The following PGS1 variants were observed in gnomAD, a reference collection of about 807,000 sequenced individuals.
PGS1 encodes CDP-diacylglycerol--glycerol-3-phosphate 3-phosphatidyltransferase, mitochondrial.
PGS1 carries 44 observed loss-of-function variants against 58.3 expected under a neutral mutation model. The ratio of observed to expected loss-of-function variants is 0.75; its 90% CI spans 0.59 to 0.97. PGS1 has a LOEUF of 0.97. PGS1 is among the 50% of genes least tolerant of loss of function. The pLI is 0.00. For synonymous variants in PGS1, 330 were observed against 311.0 expected, an observed-to-expected ratio of 1.06 and a Z score of -0.64; for missense variants, 684 against 731.1, an observed-to-expected ratio of 0.94 and a Z score of 0.74.
chr17:78,414,248 C>T (rs1461952916), intron 7 of PGS1, among the ~76,000 whole-genome samples: 1 of 152,232 alleles, frequency 6.6e-6, no homozygotes, highest in Non-Finnish European at 1.5e-5. Context: ...GGCAGCCAGC[C>T]TTCAAGGCAG....
At chr17:78,387,784 G>GAC (rs2082520980) in intron 1 of PGS1, among the ~76,000 whole-genome samples, 1 of 151,886 alleles carries the variant, frequency 6.6e-6, no homozygotes, top group Non-Finnish European at 1.5e-5. Context: ...TTTTTCTAGA[G>GAC]AGGGGGTTTC....
rs2083568176 is a variant in PGS1, at chr17:78,400,448, A to G, written c.702-229A>G. Among the ~76,000 whole-genome samples the G allele has an allele frequency of 6.6e-6, 1 of 151,628 alleles. No homozygotes were observed. Among genetic ancestry groups the G allele is most frequent in the Non-Finnish European group, 1.5e-5 (1 of 67,974 alleles). Reference sequence around the variant, plus strand: ...GTCTGCATCTCCTCTTCTCAGCTACACTGTCGGCTCCTTGAGAGGAGGAGG... The same window carrying G: ...GTCTGCATCTCCTCTTCTCAGCTACGCTGTCGGCTCCTTGAGAGGAGGAGG... On this transcript the variant is annotated intron_variant, in intron 5 of 9. Transcript: ENST00000262764. The surrounding 1 kb of genome is among the most constrained non-coding windows in gnomAD (Gnocchi z 4.4).
chr17:78,384,206 C>T (rs982096311), intron 1 of PGS1, among the ~76,000 whole-genome samples: 5 of 152,174 alleles, frequency 3.3e-5, no homozygotes, highest in African/African-American at 1.2e-4. Flanking sequence ...GCAGCCTGGG[C>T]CTCTCGTGCC....
At chr17:78,411,033 G>T (rs2084642087) in intron 7 of PGS1, among the ~76,000 whole-genome samples, 1 of 152,182 alleles carries the variant, frequency 6.6e-6, no homozygotes, top group Admixed American at 6.5e-5. Flanking sequence ...GCAAGAGAAG[G>T]CTCCAGGCTG....
chr17:78,390,959 GAGATGGA>G, intron 1 of PGS1, among the ~76,000 whole-genome samples: 1 of 150,848 alleles, frequency 6.6e-6, no homozygotes, highest in East Asian at 1.9e-4. Flanking sequence ...TTTCTTCTTT[GAGATGGA>G]GTCTTGCTCT....
At chr17:78,422,086 C>T (rs2085852114) in intron 9 of PGS1, among the ~76,000 whole-genome samples, 1 of 152,238 alleles carries the variant, frequency 6.6e-6, no homozygotes, top group African/African-American at 2.4e-5. Context: ...TTTCTTATTT[C>T]AGGATCTAAA....
intron 2 of PGS1, among the ~76,000 whole-genome samples, chr17:78,395,010 C>A (rs531413892): frequency 6.6e-6 from 1 of 152,092 alleles, no homozygotes; most frequent in Admixed American, 6.6e-5. Flanking sequence ...AGAGGCTTGC[C>A]TCAGCAGGCC....
Position 78,403,962 on chromosome 17 carries a change from C to T in PGS1, c.1275C>T (p.Ala425=), listed in dbSNP as rs186398339. Residue 425 remains alanine (A), a synonymous_variant, in exon 7 of 10, where the codon GCC becomes GCT. Coordinates refer to ENST00000262764, the MANE Select transcript of PGS1 (RefSeq NM_024419.5). ...VNGFFGAKGV[A]GAIPAAYVHI... ...GCTTCTTTGGGGCCAAGGGGGTGGC[C>T]GGCGCCATCCCAGCGGCCTATGTGC... The T allele has an allele frequency of 3.4e-5, 55 of 1,614,110 alleles. 1 individual carries two copies. The highest frequency in any genetic ancestry group is 3.3e-4 in the Middle Eastern group (2 of 6,060).
chr17:78,390,274 C>T (rs2082726026), intron 1 of PGS1, among the ~76,000 whole-genome samples: 1 of 151,978 alleles, frequency 6.6e-6, no homozygotes, highest in African/African-American at 2.4e-5. Context: ...CTAGGCCCTT[C>T]ATCTGCAAGC....
At chr17:78,387,005 ATGG>A (rs372496507) in intron 1 of PGS1, among the ~76,000 whole-genome samples, 14,881 of 150,720 alleles carry the variant, frequency 0.099, 717 homozygotes, top group Middle Eastern at 0.16. Flanking sequence ...GATGATGATG[ATGG>A]TGATGATGAT....
At chr17:78,385,320 G>A (rs977376797) in intron 1 of PGS1, among the ~76,000 whole-genome samples, 3 of 146,068 alleles carry the variant, frequency 2.1e-5, no homozygotes, top group Non-Finnish European at 3.0e-5. Context: ...ATGGAGTCTC[G>A]TACTTTCGCC....
intron 7 of PGS1, among the ~76,000 whole-genome samples, chr17:78,407,723 C>T (rs1481776953): frequency 6.6e-6 from 1 of 152,256 alleles, no homozygotes; most frequent in Admixed American, 6.5e-5. Context: ...CCTCAGACAG[C>T]ACTCTGCTGT....
In PGS1 at chr17:78,399,417, T is replaced by C; in HGVS notation, c.581T>C (p.Leu194Pro). The change falls in exon 5 of 10, where the codon CTC becomes CCC. Residue 194 changes from leucine (L) to proline (P), a missense_variant. By Grantham distance (98) the Leu-to-Pro change is moderately conservative. Coordinates refer to ENST00000262764, the MANE Select transcript of PGS1 (RefSeq NM_024419.5). Reference protein sequence around the residue: ...RRFPEQVRVSLFHTPHLRGLL... With the variant: ...RRFPEQVRVSPFHTPHLRGLL... Reference sequence around the variant, plus strand: ...TTCCCAGAGCAGGTCCGAGTCTCCCTCTTTCACACGCCGCACCTCCGTGGG... The same window carrying C: ...TTCCCAGAGCAGGTCCGAGTCTCCCCCTTTCACACGCCGCACCTCCGTGGG... 2 of 1,614,114 alleles carry C rather than the reference T, an allele frequency of 1.2e-6. No homozygotes were observed. Among genetic ancestry groups the C allele is most frequent in the Non-Finnish European group, 1.7e-6 (2 of 1,180,016 alleles).
intron 6 of PGS1, among the ~76,000 whole-genome samples, chr17:78,402,150 C>T (rs1054329498): frequency 1.3e-5 from 2 of 152,176 alleles, no homozygotes; most frequent in Admixed American, 1.3e-4. Context: ...GGCTAGACTC[C>T]TGCATGGGAT....
chr17:78,417,087 C>T (rs2085258452), intron 8 of PGS1, among the ~76,000 whole-genome samples: 1 of 152,214 alleles, frequency 6.6e-6, no homozygotes, highest in South Asian at 2.1e-4. Flanking sequence ...CTGAAAGCTT[C>T]CTGGTTTTGT....
intron 7 of PGS1, among the ~76,000 whole-genome samples, chr17:78,412,237 C>T (rs2084777479): frequency 6.6e-6 from 1 of 152,118 alleles, no homozygotes; most frequent in Non-Finnish European, 1.5e-5. Context: ...CCCCAGAGGG[C>T]ATCAGACTGG....
intron 3 of PGS1, 71 bp from the exon 4 acceptor site, chr17:78,398,181 C>T (rs1000601232): frequency 1.1e-5 from 12 of 1,108,412 alleles, no homozygotes; most frequent in South Asian, 3.7e-5. Flanking sequence ...GCCGATGGGG[C>T]GATTTGTTTT....
At chr17:78,388,124 T>G (rs1472743113) in intron 1 of PGS1, among the ~76,000 whole-genome samples, 1 of 152,356 alleles carries the variant, frequency 6.6e-6, no homozygotes, top group East Asian at 1.9e-4. Flanking sequence ...AGTACACAGA[T>G]TAAACAGGAA....
intron 1 of PGS1, among the ~76,000 whole-genome samples, chr17:78,381,646 T>C (rs946399550): frequency 6.6e-6 from 1 of 152,072 alleles, no homozygotes; most frequent in African/African-American, 2.4e-5. Context: ...ATAATAGTTC[T>C]GTGCAGTCAT....
Sources: gnomAD v4.1 joint callset for allele counts (sites outside exome capture counted in the v4.1 genomes callset) on GRCh38, gnomAD v4.1.1 for gene constraint, Gnocchi (gnomAD v3.1) non-coding constraint, MANE v1.5 for transcripts, NCBI Gene and HGNC (gene_info 2026-07-23, HGNC 2026-07-21) for gene names.